RAB3IP: variants seen among roughly 807,000 people sequenced by gnomAD.
The protein encoded by RAB3IP is rab-3A-interacting protein.
In RAB3IP, 36 loss-of-function variants were observed where a neutral mutation model predicts 59.1. The ratio of observed to expected loss-of-function variants is 0.61; its 90% confidence interval spans 0.47 to 0.80. The LOEUF is 0.80. RAB3IP is among the 30% of genes least tolerant of loss of function. The probability of loss-of-function intolerance (pLI) is 0.00; values close to 1 mark genes in which losing one functional copy is unlikely to be tolerated. For synonymous variants in RAB3IP, 207 were observed against 191.2 expected (o/e 1.08, Z -0.68); for missense variants, 511 against 536.0 (o/e 0.95, Z 0.46).
chr12:69,753,483 G>C (rs186688871), intron 1 of RAB3IP, among the ~76,000 whole-genome samples: 1 of 152,168 alleles, frequency 6.6e-6, no homozygotes, highest in Admixed American at 6.5e-5. Flanking sequence ...CCGAGATCTG[G>C]GATTATAGGC....
chr12:69,788,509 T>G (rs573139171), intron 4 of RAB3IP, among the ~76,000 whole-genome samples: 1 of 152,124 alleles, frequency 6.6e-6, no homozygotes. Context: ...TGAAATGTTA[T>G]GTGGTGCATG....
intron 1 of RAB3IP, among the ~76,000 whole-genome samples, chr12:69,745,547 G>A (rs960469696): frequency 6.6e-6 from 1 of 151,992 alleles, no homozygotes; most frequent in Admixed American, 6.6e-5. Flanking sequence ...AGAACACAAA[G>A]CAATAGCAAA....
rs560734553 is a variant in RAB3IP at position 69,758,926 on chromosome 12, T to G, written c.510+2263T>G. 5.4e-3 allele frequency among the ~76,000 whole-genome samples: 819 copies of G among 152,076 alleles called. 3 individuals carry two copies. The highest frequency in any genetic ancestry group is 7.9e-3 in the Non-Finnish European group (539 of 67,956). ...CTATCATTGTTGATGAGAAGCCAGC[T>G]GTCAATGTAGTTGTCATTCCTTTGT... On this transcript the variant is annotated intron_variant, in intron 3 of 10. Transcript: ENST00000247833.
chr12:69,739,101 C>G (rs1275777969), intron 1 of RAB3IP, 70 bp downstream of exon 1: 2 of 152,098 alleles, frequency 1.3e-5, no homozygotes. Context: ...CGCGCGCCCG[C>G]CTCTGGCGAG....
chr12:69,812,938 C>T (rs769364786), intron 9 of RAB3IP, 26 bp from the exon 10 acceptor site: 3 of 1,608,400 alleles, frequency 1.9e-6, no homozygotes, highest in Non-Finnish European at 2.6e-6. Flanking sequence ...TTTGACCATT[C>T]ATGACATTTT....
intron 1 of RAB3IP, among the ~76,000 whole-genome samples, chr12:69,744,137 C>T (rs1448658022): frequency 4.6e-5 from 7 of 152,086 alleles, no homozygotes; most frequent in African/African-American, 1.7e-4. Flanking sequence ...CCTCCCCTAG[C>T]CCGCCACTCC....
chr12:69,816,773 G>C lies in RAB3IP; in HGVS notation c.*1327G>C, dbSNP rs1328338574. The C allele has an allele frequency of 1.3e-5, 2 of 152,178 alleles. No individual in the cohort carries two copies. The highest frequency in any genetic ancestry group is 4.8e-5 in the African/African-American group (2 of 41,434). The allele number at this position is 152,178 out of a possible 1,614,324, so 9.4% of individuals were successfully genotyped here. A position where few individuals can be genotyped will look rare whatever the true frequency, so the allele number is the denominator to read the frequency against. On this transcript the variant is annotated 3_prime_UTR_variant, in exon 11 of 11. Coordinates refer to ENST00000247833, the MANE Select transcript of RAB3IP (RefSeq NM_022456.5). ...TAATCAATTTGTATTCACAGCAGCA[G>C]TGTACAAGAGGGCTGGTTTTCTGAA...
rs111438084 is a variant in RAB3IP, at chr12:69,747,293, CGTGTGTGT to C, written c.-25-8059_-25-8052del. 4.2e-3 allele frequency among the ~76,000 whole-genome samples: 579 copies of C among 137,788 alleles called. 1 individual carries two copies. The highest frequency in any genetic ancestry group is 9.1e-3 in the African/African-American group (329 of 36,036). 90.4% of individuals were successfully genotyped at this position (137,788 alleles called of 152,430 possible). A position where few individuals can be genotyped will look rare whatever the true frequency, so the allele number is the denominator to read the frequency against. ...GTACAGTTTTCTCCCCTTGCCCTTT[CGTGTGTGT>C]GTGTGTGTGTGTGTGTGTGTGTGTG... On this transcript the variant is annotated intron_variant, in intron 1 of 10. Coordinates refer to ENST00000247833, the MANE Select transcript of RAB3IP (RefSeq NM_022456.5).
At chr12:69,779,728 A>T (rs1270933196) in intron 3 of RAB3IP, among the ~76,000 whole-genome samples, 4 of 150,618 alleles carry the variant, frequency 2.7e-5, no homozygotes, top group Admixed American at 6.6e-5. Context: ...TTTTCTGATA[A>T]ATTTCTGAAT....
chr12:69,809,827 C>G (rs766333916), intron 8 of RAB3IP, among the ~76,000 whole-genome samples: 10 of 152,060 alleles, frequency 6.6e-5, no homozygotes, highest in Non-Finnish European at 1.3e-4. Flanking sequence ...TTTTTAACTT[C>G]TTTGCCATTG....
chr12:69,800,797 T>C (rs775131109), intron 7 of RAB3IP, among the ~76,000 whole-genome samples: 1 of 152,174 alleles, frequency 6.6e-6, no homozygotes, highest in Non-Finnish European at 1.5e-5. Flanking sequence ...ATTAAGTAGA[T>C]GCAAAAACCT....
At chr12:69,794,351 T>C in intron 4 of RAB3IP, 86 bp from the exon 5 acceptor site, 1 of 1,085,512 alleles carries the variant, frequency 9.2e-7, no homozygotes, top group Non-Finnish European at 1.4e-6. Flanking sequence ...GTAGTATATC[T>C]TTGCTTCAAT....
intron 6 of RAB3IP, 22 bp from the exon 7 acceptor site, chr12:69,800,187 G>A (rs762665596): frequency 8.0e-6 from 12 of 1,492,580 alleles, no homozygotes; most frequent in Non-Finnish European, 1.1e-5. Context: ...ACATGTTTTT[G>A]TGTTTTCCTT....
intron 8 of RAB3IP, among the ~76,000 whole-genome samples, chr12:69,805,892 G>C (rs1220819893): frequency 1.3e-5 from 2 of 152,030 alleles, no homozygotes; most frequent in African/African-American, 2.4e-5. Context: ...TGCTGGATTC[G>C]GTTTGCCAGT....
upstream of RAB3IP, chr12:69,738,752 G>T (rs1160179179): frequency 6.6e-6 from 1 of 152,092 alleles, no homozygotes. Context: ...CCGCCCCCAG[G>T]CCCCATGCCG....
intron 1 of RAB3IP, among the ~76,000 whole-genome samples, chr12:69,745,362 T>A (rs1324441426): frequency 6.6e-6 from 1 of 151,906 alleles, no homozygotes; most frequent in African/African-American, 2.4e-5. Flanking sequence ...CTACACTTTT[T>A]AAAAAAATAC....
At chr12:69,753,198 C>G (rs990696088) in intron 1 of RAB3IP, among the ~76,000 whole-genome samples, 7 of 152,062 alleles carry the variant, frequency 4.6e-5, no homozygotes, top group Non-Finnish European at 1.0e-4. Context: ...GATACTGAGT[C>G]AGATCTCTTT....
At chr12:69,801,957 T>G (rs1878452985) in intron 8 of RAB3IP, among the ~76,000 whole-genome samples, 1 of 147,124 alleles carries the variant, frequency 6.8e-6, no homozygotes, top group African/African-American at 2.5e-5. Flanking sequence ...TAATCGTGCT[T>G]GTTGCCATTG....
At chr12:69,742,967 A>G (rs1356207127) in intron 1 of RAB3IP, among the ~76,000 whole-genome samples, 1 of 152,256 alleles carries the variant, frequency 6.6e-6, no homozygotes, top group Non-Finnish European at 1.5e-5. Context: ...AAATTATTCA[A>G]ATAGTTCAAG....
Sources: gnomAD v4.1 joint callset for allele counts (sites outside exome capture counted in the v4.1 genomes callset) on GRCh38, gnomAD v4.1.1 for gene constraint, MANE v1.5 for transcripts, NCBI Gene and HGNC (gene_info 2026-07-23, HGNC 2026-07-21) for gene names.